The following MTCL1 variants were observed in gnomAD, a reference collection of about 807,000 sequenced individuals.
The protein encoded by MTCL1 is microtubule cross-linking factor 1.
MTCL1 carries 79 observed loss-of-function variants against 141.4 expected under a neutral mutation model. The observed-to-expected ratio is 0.56, with a 90% CI of 0.47 to 0.67. The LOEUF is 0.67. MTCL1 is among the 30% of genes least tolerant of loss of function. MTCL1 has a pLI of 0.00. For synonymous variants in MTCL1, 914 were observed against 875.8 expected (o/e 1.04, Z -0.77); for missense variants, 2,177 against 2,113.9 (o/e 1.03, Z -0.59).
At chr18:8,771,764 C>G (rs1294732026) in intron 4 of MTCL1, among the ~76,000 whole-genome samples, 1 of 152,188 alleles carries the variant, frequency 6.6e-6, no homozygotes, top group East Asian at 1.9e-4. Flanking sequence ...TTTGGATTCA[C>G]AAACTTAATT....
intron 16 of MTCL1, chr18:8,829,100 T>C: frequency 6.5e-7 from 1 of 1,529,532 alleles, no homozygotes; most frequent in East Asian, 2.4e-5. Context: ...TTCCAGGAGG[T>C]TCGCCTAAAC....
rs1210280467 is a variant in MTCL1 at position 8,764,615 on chromosome 18, GC to G, written c.358-13214del. ...TTACAGACATGAGCCACTGGCCCTG[GC>G]CCCTGCCCCCGCCCCCCACTTTTAA... On this transcript the variant is annotated intron_variant, in intron 4 of 16. Transcript: ENST00000359865. 2.0e-5 allele frequency among the ~76,000 whole-genome samples: 3 copies of G among 152,206 alleles called. No individual in the cohort carries two copies. In the South Asian group the frequency reaches 6.2e-4, roughly 32 times the overall value.
chr18:8,714,258 C>G (rs554713146), upstream of MTCL1, among the ~76,000 whole-genome samples: 23 of 152,190 alleles, frequency 1.5e-4, no homozygotes, highest in African/African-American at 5.5e-4. Flanking sequence ...AGGTAACTAG[C>G]CTCAGTTTTG....
chr18:8,746,672 G>A (rs2096340208), intron 4 of MTCL1, among the ~76,000 whole-genome samples: 1 of 152,116 alleles, frequency 6.6e-6, no homozygotes, highest in Admixed American at 6.5e-5. Flanking sequence ...CTGCTGACAG[G>A]GGCCCCTGCA....
exon 15 of MTCL1, chr18:8,824,998 T>C (rs753033910): frequency 1.2e-6 from 2 of 1,613,194 alleles, no homozygotes; most frequent in Non-Finnish European, 1.7e-6. Context: ...AGTGTCACCA[T>C]GACCACGGAC....
At chr18:8,820,642 G>T (rs2076815260) in intron 13 of MTCL1, among the ~76,000 whole-genome samples, 1 of 152,156 alleles carries the variant, frequency 6.6e-6, no homozygotes. Context: ...CTGATCTATT[G>T]GCAATCTTAT....
rs374411861 is a variant in MTCL1, at chr18:8,817,097, T to C, written c.2860-1866T>C. On this transcript the variant is annotated intron_variant, in intron 12 of 16. Coordinates refer to ENST00000359865, the Ensembl canonical transcript of MTCL1. ...TGTTCATAGCCCTCCTCTTTAGTCA[T>C]TCTTTTCCCCCTTCACTCACACCCT... Among the ~76,000 whole-genome samples, 4 of 152,302 alleles carry C rather than the reference T, an allele frequency of 2.6e-5. No homozygotes were observed. In the South Asian group the frequency reaches 8.3e-4, roughly 32 times the overall value.
chr18:8,753,695 C>CTTTGTTGCAGAGGG, intron 4 of MTCL1, among the ~76,000 whole-genome samples: 1 of 152,322 alleles, frequency 6.6e-6, no homozygotes, highest in South Asian at 2.1e-4. Flanking sequence ...CAAGCCTGCT[C>CTTTGTTGCAGAGGG]TTTGTTGCAG....
At chr18:8,715,941 C>G (rs1049230948), upstream of MTCL1, among the ~76,000 whole-genome samples, 7 of 152,152 alleles carry the variant, frequency 4.6e-5, no homozygotes, top group African/African-American at 1.4e-4. Context: ...GAGCCCAAAC[C>G]ACCCATTCTG....
chr18:8,793,211 T>C, intron 8 of MTCL1, 91 bp downstream of exon 7: 1 of 1,553,844 alleles, frequency 6.4e-7, no homozygotes, highest in Non-Finnish European at 8.7e-7. Context: ...AAGAAGGCTG[T>C]CTGTTGCGTA....
chr18:8,819,363 C>CT, intron 13 of MTCL1, 104 bp downstream of exon 12: 1 of 1,200,570 alleles, frequency 8.3e-7, no homozygotes, highest in Non-Finnish European at 1.2e-6. Context: ...GGCTCTAGCA[C>CT]TTTTGCATAC....
intron 4 of MTCL1, among the ~76,000 whole-genome samples, chr18:8,765,319 T>C (rs1366875255): frequency 6.6e-6 from 1 of 152,222 alleles, no homozygotes; most frequent in East Asian, 1.9e-4. Flanking sequence ...ACACTCACGC[T>C]CTGCCCCAGT....
chr18:8,819,964 C>G (rs1049031696), intron 13 of MTCL1, among the ~76,000 whole-genome samples: 1 of 151,998 alleles, frequency 6.6e-6, no homozygotes, highest in African/African-American at 2.4e-5. Flanking sequence ...AACTAATAAC[C>G]AAAAATATTC....
chr18:8,826,835 A>G (rs544564181), intron 15 of MTCL1, among the ~76,000 whole-genome samples: 1 of 152,320 alleles, frequency 6.6e-6, no homozygotes, highest in African/African-American at 2.4e-5. Flanking sequence ...ATCCTACCCT[A>G]ATACAATATG....
At chr18:8,751,955 G>A (rs1037247582) in intron 4 of MTCL1, among the ~76,000 whole-genome samples, 2 of 152,200 alleles carry the variant, frequency 1.3e-5, no homozygotes, top group African/African-American at 2.4e-5. Context: ...TCACTTGAAT[G>A]TTTGTTCAGA....
chr18:8,784,909 T>C (rs2096546055), intron 6 of MTCL1, 66 bp downstream of exon 5: 9 of 1,406,704 alleles, frequency 6.4e-6, no homozygotes, highest in South Asian at 1.4e-5. Flanking sequence ...CTGGCATTGC[T>C]GCACTCGGGC....
chr18:8,800,025 A>T (rs2076061906), intron 10 of MTCL1, among the ~76,000 whole-genome samples: 1 of 152,206 alleles, frequency 6.6e-6, no homozygotes, highest in Non-Finnish European at 1.5e-5. Context: ...AGGTCTGCCA[A>T]GTGGGCCAGT....
intron 5 of MTCL1, 59 bp downstream of exon 4, chr18:8,777,951 G>A: frequency 6.6e-7 from 1 of 1,520,486 alleles, no homozygotes; most frequent in Non-Finnish European, 9.1e-7. Flanking sequence ...AACTCATTTT[G>A]AATGTTTTTC....
At chr18:8,800,828 C>G (rs912594776) in intron 10 of MTCL1, 1 of 151,800 alleles carries the variant, frequency 6.6e-6, no homozygotes, top group Non-Finnish European at 1.5e-5. Context: ...AGCTTGTTTT[C>G]CCTACTTGGA....
Sources: allele counts gnomAD v4.1 joint callset (sites outside exome capture counted in the v4.1 genomes callset), GRCh38; gene constraint gnomAD v4.1.1; transcripts MANE v1.5; gene names NCBI Gene and HGNC (gene_info 2026-07-23, HGNC 2026-07-21).